Variants in KRT222 observed in about 807,000 individuals in gnomAD.
KRT222 encodes keratin 222.
A neutral mutation model predicts 35.0 loss-of-function variants in KRT222; 23 were observed. That is an observed-to-expected ratio of 0.66 (90% confidence interval 0.47 to 0.93). The LOEUF (loss-of-function observed/expected upper bound fraction) is 0.93, where lower values mean the gene tolerates loss of function less well. Ranked by LOEUF, KRT222 falls within the 40% of genes least tolerant of loss-of-function variation. KRT222 has a pLI of 0.00. For synonymous variants in KRT222, 108 were observed against 118.8 expected (o/e 0.91, Z 0.59); for missense variants, 339 against 346.3 (o/e 0.98, Z 0.17).
At position 40,655,651 on chromosome 17, in the gene KRT222, TC is replaced by T. The variant is rs2037339074; in HGVS notation, c.*750del. 1 of 152,108 alleles carries T rather than the reference TC, an allele frequency of 6.6e-6. No homozygotes were observed. Among genetic ancestry groups the T allele is most frequent in the African/African-American group, 2.4e-5 (1 of 41,448 alleles). 9.4% of individuals were successfully genotyped at this position (152,108 alleles called of 1,614,324 possible). A position where few individuals can be genotyped will look rare whatever the true frequency, so the allele number is the denominator to read the frequency against. Reference sequence around the variant, plus strand: ...GCGCAGTTGGCCTTCTGATTTTTTTTCTTTTTTTGGTGGGGGATACAACCTT... The same window carrying T: ...GCGCAGTTGGCCTTCTGATTTTTTTTTTTTTTTGGTGGGGGATACAACCTT... On this transcript the variant is annotated 3_prime_UTR_variant, in exon 6 of 6. Transcript: ENST00000394052.
At chr17:40,663,484 T>TGAG (rs1349465744) in intron 1 of KRT222, among the ~76,000 whole-genome samples, 1 of 152,322 alleles carries the variant, frequency 6.6e-6, no homozygotes, top group East Asian at 1.9e-4. Flanking sequence ...AGAGAGACCC[T>TGAG]GAGGCTACGT....
At chr17:40,662,093 C>T in intron 1 of KRT222, 49 bp from the exon 2 acceptor site, 1 of 1,594,696 alleles carries the variant, frequency 6.3e-7, no homozygotes, top group Non-Finnish European at 8.5e-7. Flanking sequence ...ACAAGGAGTG[C>T]TTCTGAAAAT....
At chr17:40,658,366 T>C (rs2037359451) in intron 3 of KRT222, among the ~76,000 whole-genome samples, 1 of 152,090 alleles carries the variant, frequency 6.6e-6, no homozygotes, top group African/African-American at 2.4e-5. Flanking sequence ...TACATGTATA[T>C]AGGAACTGGA....
In KRT222 at chr17:40,657,470, A is replaced by G. The variant is rs774867634; in HGVS notation, c.541T>C (p.Ser181Pro). 8 of 1,600,610 alleles carry G rather than the reference A, an allele frequency of 5.0e-6. No homozygotes were observed. In the African/African-American group the frequency reaches 9.4e-5, roughly 19 times the overall value. ...VLPSAIINEI[S>P]FTTKVPQKYE... Reference sequence around the variant, plus strand: ...TTTTGTGGGACTTTTGTAGTAAAAGATATTTCATTTATAATGGCTGTGAAA... The same window carrying G: ...TTTTGTGGGACTTTTGTAGTAAAAGGTATTTCATTTATAATGGCTGTGAAA... The change falls in exon 5 of 6, where the codon TCT (serine) becomes CCT (proline). Residue 181 changes from serine (S) to proline (P), a missense_variant. Transcript: ENST00000394052.
At chr17:40,662,174 T>C (rs1251723231) in intron 1 of KRT222, 130 bp from the exon 2 acceptor site, 46 of 1,144,280 alleles carry the variant, frequency 4.0e-5, no homozygotes, top group Non-Finnish European at 5.5e-5. Context: ...CATTAGATTA[T>C]AATGTGTGTC....
chr17:40,664,867 G>T, intron 1 of KRT222, 137 bp downstream of exon 1: 1 of 1,453,414 alleles, frequency 6.9e-7, no homozygotes, highest in Non-Finnish European at 9.3e-7. Flanking sequence ...TCACACTGCA[G>T]TAGAAGCTAA....
At chr17:40,658,780 A>T (rs2037361342) in intron 3 of KRT222, among the ~76,000 whole-genome samples, 1 of 152,182 alleles carries the variant, frequency 6.6e-6, no homozygotes, top group East Asian at 1.9e-4. Context: ...AAGAATAAAG[A>T]TTTTTTCATG....
chr17:40,664,914 T>C, intron 1 of KRT222, 90 bp downstream of exon 1: 1 of 1,594,106 alleles, frequency 6.3e-7, no homozygotes, highest in South Asian at 1.1e-5. Context: ...GAAAAGGAAA[T>C]ACTGTACCTC....
At chr17:40,661,456 G>A (rs921417350) in intron 2 of KRT222, among the ~76,000 whole-genome samples, 1 of 149,780 alleles carries the variant, frequency 6.7e-6, no homozygotes, top group Non-Finnish European at 1.5e-5. Context: ...AATAGAGATG[G>A]GGTTTCATCA....
rs189190744 is a variant in KRT222 at position 40,661,708 on chromosome 17, A to G, written c.225+208T>C. ...TAAGAAAGGATTTCTTCATTTTTAC[A>G]GGTCTGAACTAAACCTTGAGTGAGT... On this transcript the variant is annotated intron_variant, in intron 2 of 5. Transcript: ENST00000394052. 3.9e-5 allele frequency among the ~76,000 whole-genome samples: 6 copies of G among 152,362 alleles called. No homozygotes were observed. In the East Asian group the frequency reaches 7.7e-4, roughly 20 times the overall value.
intron 5 of KRT222, 76 bp from the exon 6 acceptor site, chr17:40,656,706 C>A: frequency 1.3e-6 from 1 of 753,866 alleles, no homozygotes. Flanking sequence ...TATTTCATAT[C>A]TATGGAAAAA....
intron 5 of KRT222, 132 bp downstream of exon 5, chr17:40,657,220 A>AAAG: frequency 1.4e-6 from 1 of 733,274 alleles, no homozygotes; most frequent in Non-Finnish European, 1.9e-6. Flanking sequence ...CAAAAAAAAA[A>AAAG]AAAAAAATCA....
In KRT222 at chr17:40,655,037, A is replaced by ATAT. The variant is rs56938498; in HGVS notation, c.*1364_*1365insATA. ...ATTTTTCTGGTTGAAATATATATAT[A>ATAT]CATATATATAAATTATATATATGTA... On this transcript the variant is annotated 3_prime_UTR_variant, in exon 6 of 6. Coordinates refer to ENST00000394052, the MANE Select transcript of KRT222 (RefSeq NM_152349.3). 11 of 144,784 alleles carry ATAT rather than the reference A, an allele frequency of 7.6e-5. No homozygotes were observed. The highest frequency in any genetic ancestry group is 1.5e-4 in the Non-Finnish European group (10 of 66,660). The allele number at this position is 144,784 out of a possible 1,614,324, so 9.0% of individuals were successfully genotyped here.
At position 40,657,739 on chromosome 17, in the gene KRT222, C is replaced by A. The variant is rs1052913508; in HGVS notation, c.458G>T (p.Cys153Phe). Residue 153 changes from cysteine (C) to phenylalanine (F), a missense_variant, in exon 4 of 6, where the codon TGT (cysteine) becomes TTT (phenylalanine). Physicochemically the swap from Cys to Phe is radical, Grantham distance 205. Transcript: ENST00000394052. ...TTTGTCTTTTTTCCCACCTTGGATA[C>A]AACCATAATATCTGAAATCAGAAAG... ...LEKEEIRYYG[C>F]IQGGKKDKKP... 2 of 1,610,314 alleles carry A rather than the reference C, an allele frequency of 1.2e-6. No homozygotes were observed. Among genetic ancestry groups the A allele is most frequent in the African/African-American group, 1.3e-5 (1 of 74,762 alleles).
rs183058407 is a variant in KRT222, at chr17:40,657,290, C to T, written c.659+62G>A. 9.5e-4 allele frequency: 1,101 copies of T among 1,158,876 alleles called. 3 individuals are homozygous for T. Among genetic ancestry groups the T allele is most frequent in the South Asian group, 2.9e-3 (144 of 49,152 alleles). 71.8% of individuals were successfully genotyped at this position (1,158,876 alleles called of 1,614,324 possible). On this transcript the variant is annotated intron_variant, in intron 5 of 5. Coordinates refer to ENST00000394052, the MANE Select transcript of KRT222 (RefSeq NM_152349.3). ...CAAAGAAGAGTAATTACTGGGATTACGCAAAGTTAATTTCTTTACATATAT... is the reference window on the plus strand; with the variant it reads ...CAAAGAAGAGTAATTACTGGGATTATGCAAAGTTAATTTCTTTACATATAT...
In KRT222 at chr17:40,657,836, T is replaced by G. The variant is rs187510859; in HGVS notation, c.447-86A>C. 5.2e-5 allele frequency: 46 copies of G among 887,160 alleles called. No individual in the cohort carries two copies. The Admixed American group carries it at 9.0e-4, about 17-fold the overall frequency. 55.0% of individuals were successfully genotyped at this position (887,160 alleles called of 1,614,324 possible). Reference sequence around the variant, plus strand: ...ACAGGAGAATGGATAAATCGTATATTCACGCAATAGAAACACTATTTAACT... The same window carrying G: ...ACAGGAGAATGGATAAATCGTATATGCACGCAATAGAAACACTATTTAACT... On this transcript the variant is annotated intron_variant, in intron 3 of 5. Coordinates refer to ENST00000394052, the MANE Select transcript of KRT222 (RefSeq NM_152349.3).
chr17:40,657,573 CTTGTTT>C (rs2037353910), intron 4 of KRT222, 86 bp from the exon 5 acceptor site: 16 of 1,394,608 alleles, frequency 1.1e-5, no homozygotes, highest in Non-Finnish European at 1.4e-5. Context: ...TCAAATATTG[CTTGTTT>C]TTTTTCGACT....
Position 40,661,966 on chromosome 17 carries a change from G to A in KRT222, c.175C>T (p.Arg59Ter), listed in dbSNP as rs780552954. 1.9e-6 allele frequency: 3 copies of A among 1,613,932 alleles called. No individual in the cohort carries two copies. The highest frequency in any genetic ancestry group is 1.3e-5 in the African/African-American group (1 of 74,854). The change falls in exon 2 of 6, where the codon CGA becomes TGA. Residue 59 changes from arginine (R) to a stop codon, truncating the protein, a stop_gained. Transcript: ENST00000394052. LOFTEE classifies it high-confidence loss of function. ...ACTTGCAGGTGGTGCCACTGGCGTC[G>A]GGCCTCCTTGAGTTCTGCTTGAGCT... Reference protein sequence around the residue: ...KAAQAELKEARRQWHHLQVEI... With the variant: ...KAAQAELKEA
intron 2 of KRT222, 149 bp from the exon 3 acceptor site, chr17:40,660,356 C>G: frequency 1.6e-6 from 1 of 633,804 alleles, no homozygotes; most frequent in Non-Finnish European, 2.7e-6. Context: ...TCTCGGTTCA[C>G]TGGAAACTCC....
Sources: allele counts gnomAD v4.1 joint callset (sites outside exome capture counted in the v4.1 genomes callset), GRCh38; gene constraint gnomAD v4.1.1; transcripts MANE v1.5; gene names NCBI Gene and HGNC (gene_info 2026-07-23, HGNC 2026-07-21).